MEGF6: variants seen among roughly 807,000 people sequenced by gnomAD.
MEGF6 encodes the protein multiple epidermal growth factor-like domains protein 6.
MEGF6 carries 184 observed loss-of-function variants against 207.1 expected under a neutral mutation model. That is an observed-to-expected ratio of 0.89 (90% confidence interval 0.79 to 1.00). The LOEUF is 1.00. MEGF6 is among the 50% of genes least tolerant of loss of function. The pLI, the probability that MEGF6 is intolerant of heterozygous loss-of-function variation, is 0.00. For synonymous variants in MEGF6, 1,038 were observed against 910.0 expected, an observed-to-expected ratio of 1.14 and a Z score of -2.53; for missense variants, 2,282 against 2,202.9, an observed-to-expected ratio of 1.04 and a Z score of -0.72.
Position 3,506,148 on chromosome 1 carries a change from G to A in MEGF6, c.1878C>T (p.Cys626=), listed in dbSNP as rs774766458. The A allele has an allele frequency of 1.3e-5, 21 of 1,597,844 alleles. No homozygotes were observed. The highest frequency in any genetic ancestry group is 3.5e-5 in the Admixed American group (2 of 57,878). The change falls in exon 15 of 37, where the codon TGC becomes TGT. Residue 626 remains cysteine (C), a synonymous_variant. Transcript: ENST00000356575. ...GGCCGTAGAGCCCTGGGTCGCAGAGGCAGGCCCCGTAGAGGCGGTGGCACC... is the reference window on the plus strand; with the variant it reads ...GGCCGTAGAGCCCTGGGTCGCAGAGACAGGCCCCGTAGAGGCGGTGGCACC... ...RGRCHRLYGA[C]LCDPGLYGRF... is the part of the protein sequence containing the mutation.
intron 7 of MEGF6, 41 bp downstream of exon 7, chr1:3,514,505 GCTTT>G (rs1557738530): frequency 6.4e-7 from 1 of 1,550,762 alleles, no homozygotes; most frequent in Non-Finnish European, 8.7e-7. Context: ...ACCTGGGTGC[GCTTT>G]CTGACCCTGG....
chr1:3,520,979 T>C (rs948512397), intron 5 of MEGF6, among the ~76,000 whole-genome samples: 11 of 152,022 alleles, frequency 7.2e-5, no homozygotes, highest in Admixed American at 2.0e-4. Context: ...GAAGGGTGGA[T>C]TTTTAGGCAG....
At chr1:3,620,797 C>T in the MEGF6 span, among the ~76,000 whole-genome samples, 3 of 152,318 alleles carry the variant, frequency 2.0e-5, no homozygotes, top group South Asian at 2.1e-4. Flanking sequence ...AGACCGGTAG[C>T]AGCCCCGAAT....
At chr1:3,564,166 G>C (rs1643281472) in intron 4 of MEGF6, among the ~76,000 whole-genome samples, 1 of 151,056 alleles carries the variant, frequency 6.6e-6, no homozygotes, top group Non-Finnish European at 1.5e-5. Flanking sequence ...ACTGGGTCAG[G>C]GTGGGGGAGC....
chr1:3,536,161 CAA>C (rs1462770957), intron 4 of MEGF6, among the ~76,000 whole-genome samples: 1 of 152,218 alleles, frequency 6.6e-6, no homozygotes, highest in Non-Finnish European at 1.5e-5. Flanking sequence ...ATGCATCCTT[CAA>C]AGACACCAAC....
intron 3 of MEGF6, among the ~76,000 whole-genome samples, chr1:3,586,444 G>C (rs564036913): frequency 1.3e-5 from 2 of 152,198 alleles, no homozygotes; most frequent in Non-Finnish European, 2.9e-5. Flanking sequence ...TCTGGTGGGC[G>C]GCGGGTGCAG....
chr1:3,514,713 C>T (rs1190755652), intron 6 of MEGF6, 41 bp from the exon 7 acceptor site: 2 of 1,522,852 alleles, frequency 1.3e-6, no homozygotes, highest in East Asian at 2.4e-5. Flanking sequence ...GGAGAGGGGA[C>T]CCCAGTGGCT....
chr1:3,598,316 C>T (rs147417309), intron 2 of MEGF6, among the ~76,000 whole-genome samples: 77 of 152,310 alleles, frequency 5.1e-4, no homozygotes, highest in Admixed American at 2.3e-3. Flanking sequence ...AGTGGCCGGC[C>T]GGCGGGCGGG....
chr1:3,516,229 G>A (rs561622649), intron 5 of MEGF6, among the ~76,000 whole-genome samples: 1 of 152,384 alleles, frequency 6.6e-6, no homozygotes, highest in South Asian at 2.1e-4. Context: ...GCTGTGCCCT[G>A]AGCTGGCGCA....
rs1284924135 is a variant in MEGF6, at chr1:3,490,481, C to G, written c.*47G>C. The stretch of plus-strand genomic sequence containing the variant: ...CTCAGTGGTCACCAAAGGCCAGGGT[C>G]CCCTCTGGCTGGGACTGGAGAGGCG... On this transcript the variant is annotated 3_prime_UTR_variant, in exon 37 of 37. Transcript: ENST00000356575. The G allele has an allele frequency of 1.9e-6, 3 of 1,599,098 alleles. No individual in the cohort carries two copies. The highest frequency in any genetic ancestry group is 2.6e-6 in the Non-Finnish European group (3 of 1,169,106).
At chr1:3,524,695 AG>A (rs1463959529) in intron 4 of MEGF6, among the ~76,000 whole-genome samples, 1 of 152,172 alleles carries the variant, frequency 6.6e-6, no homozygotes, top group African/African-American at 2.4e-5. Context: ...GAGAAAGGGG[AG>A]GGCGTGCTGG....
chr1:3,572,606 T>C (rs949987847), intron 4 of MEGF6, among the ~76,000 whole-genome samples: 4 of 148,912 alleles, frequency 2.7e-5, no homozygotes, highest in African/African-American at 1.0e-4. Context: ...CTGAGTATGC[T>C]GGGTCCTCCT....
chr1:3,528,903 A>G lies in MEGF6; in HGVS notation c.482-4657T>C, dbSNP rs557025536. Among the ~76,000 whole-genome samples the G allele has an allele frequency of 5.8e-4, 89 of 152,236 alleles. 1 individual carries two copies. The highest frequency in any genetic ancestry group is 2.1e-3 in the African/African-American group (88 of 41,524). On this transcript the variant is annotated intron_variant, in intron 4 of 36. Coordinates refer to ENST00000356575, the MANE Select transcript of MEGF6 (RefSeq NM_001409.4). ...TAAATCCGTGCTGTCCTAAGTGCTG[A>G]GTGTGTGGTTATTTGTTACCGCACC...
At position 3,489,482 on chromosome 1, in the gene MEGF6, T is replaced by C. The variant is rs1483191580; in HGVS notation, c.*1046A>G. Among the ~76,000 whole-genome samples the C allele has an allele frequency of 6.6e-6, 1 of 152,172 alleles. No individual in the cohort carries two copies. Among genetic ancestry groups the C allele is most frequent in the African/African-American group, 2.4e-5 (1 of 41,444 alleles). Reference sequence around the variant, plus strand: ...GCCTCTTCCTTCCACTCTGGGCCCTTCTTCCAGGAGAAGTCAGCCTCAGCC... The same window carrying C: ...GCCTCTTCCTTCCACTCTGGGCCCTCCTTCCAGGAGAAGTCAGCCTCAGCC... On this transcript the variant is annotated 3_prime_UTR_variant, in exon 37 of 37. Transcript: ENST00000356575.
intron 5 of MEGF6, among the ~76,000 whole-genome samples, chr1:3,521,032 G>A (rs1047191275): frequency 6.6e-6 from 1 of 152,170 alleles, no homozygotes; most frequent in African/African-American, 2.4e-5. Context: ...CAAGCTGCTA[G>A]TGGGGAGTCT....
At chr1:3,602,404 G>C (rs937784653) in intron 2 of MEGF6, 62 bp downstream of exon 2, 1 of 1,608,440 alleles carries the variant, frequency 6.2e-7, no homozygotes, top group Non-Finnish European at 8.5e-7. Flanking sequence ...CAGCTCCCGG[G>C]TGGTCAGTGC....
intron 4 of MEGF6, among the ~76,000 whole-genome samples, chr1:3,532,483 C>T (rs1319870292): frequency 1.3e-5 from 2 of 152,212 alleles, no homozygotes; most frequent in African/African-American, 2.4e-5. Flanking sequence ...CCAGCACTGG[C>T]GGTGAGGGTC....
chr1:3,519,457 C>T (rs1162289355), intron 5 of MEGF6, among the ~76,000 whole-genome samples: 1 of 152,258 alleles, frequency 6.6e-6, no homozygotes, highest in African/African-American at 2.4e-5. Flanking sequence ...GCCCGCAGTG[C>T]TTGCACCGCC....
rs200675058 is a variant in MEGF6, at chr1:3,497,120, C to A, written c.3482-1G>T. ...TCCCCAAAGCTGCCGGGTGGGCAGG[C>A]TGGGTGGAGACAGGCAGGGTCGGTC... On this transcript the variant is annotated splice_acceptor_variant, in intron 27 of 36. Coordinates refer to ENST00000356575, the MANE Select transcript of MEGF6 (RefSeq NM_001409.4). LOFTEE classifies it high-confidence loss of function. 290 of 1,574,470 alleles carry A rather than the reference C, an allele frequency of 1.8e-4. 1 individual carries two copies. The highest frequency in any genetic ancestry group is 5.4e-4 in the South Asian group (47 of 87,028).
Sources: allele counts gnomAD v4.1 joint callset (sites outside exome capture counted in the v4.1 genomes callset), GRCh38; gene constraint gnomAD v4.1.1; transcripts MANE v1.5; gene names NCBI Gene and HGNC (gene_info 2026-07-23, HGNC 2026-07-21).